Variants in DPP10 observed in about 807,000 individuals in gnomAD.
The protein encoded by DPP10 is dipeptidyl peptidase like 10.
Under a neutral mutation model 120.9 loss-of-function variants are expected in DPP10, and 33 were observed. The observed-to-expected ratio is 0.27, with a 90% CI of 0.21 to 0.37. The LOEUF is 0.37. Among genes scored for constraint, DPP10 ranks in the 10% least tolerant of loss-of-function variants. The pLI is 1.00. For missense variants in DPP10, 816 were observed against 942.8 expected, an observed-to-expected ratio of 0.87 and a Z score of 1.76; for synonymous variants, 337 against 326.1, an observed-to-expected ratio of 1.03 and a Z score of -0.36.
At chr2:115,496,700 G>A (rs2076411823) in intron 3 of DPP10, among the ~76,000 whole-genome samples, 1 of 152,034 alleles carries the variant, frequency 6.6e-6, no homozygotes, top group African/African-American at 2.4e-5. Context: ...TTAAAATTCT[G>A]CATTGTGCTT....
intron 1 of DPP10, among the ~76,000 whole-genome samples, chr2:115,005,348 T>A (rs557333908): frequency 2.6e-5 from 4 of 152,042 alleles, no homozygotes; most frequent in Admixed American, 2.6e-4. Flanking sequence ...TCACCAGCAA[T>A]GGAACAAAGC....
intron 3 of DPP10, among the ~76,000 whole-genome samples, chr2:115,393,616 C>T (rs543858033): frequency 2.0e-5 from 3 of 152,306 alleles, no homozygotes; most frequent in Non-Finnish European, 4.4e-5. Context: ...TTTTCTGGCT[C>T]TGGGAACCAT....
chr2:114,767,207 C>CAAAAA (rs5833559), intron 1 of DPP10, among the ~76,000 whole-genome samples: 24 of 33,060 alleles, frequency 7.3e-4, no homozygotes, highest in African/African-American at 1.3e-3. Context: ...AGGATAAAAG[C>CAAAAA]AAAAAAAAAA....
chr2:115,662,776 A>T (rs1214075497), intron 5 of DPP10, among the ~76,000 whole-genome samples: 1 of 152,158 alleles, frequency 6.6e-6, no homozygotes, highest in Non-Finnish European at 1.5e-5. Context: ...GTAGTCAAGA[A>T]TTCTGGTATG....
At chr2:114,908,710 A>T (rs1197229295) in intron 1 of DPP10, among the ~76,000 whole-genome samples, 1 of 151,806 alleles carries the variant, frequency 6.6e-6, no homozygotes, top group African/African-American at 2.4e-5. Context: ...ATGAATATTA[A>T]ATTTTACCAG....
chr2:115,590,631 T>C (rs573112546), intron 5 of DPP10, among the ~76,000 whole-genome samples: 3 of 147,796 alleles, frequency 2.0e-5, no homozygotes, highest in African/African-American at 8.1e-5. Flanking sequence ...TAAACATACG[T>C]GTGAATGTGT....
At chr2:115,520,858 T>A (rs1340288499) in intron 4 of DPP10, among the ~76,000 whole-genome samples, 1 of 152,228 alleles carries the variant, frequency 6.6e-6, no homozygotes, top group Non-Finnish European at 1.5e-5. Context: ...CTAGTTATAA[T>A]GTTTCTGACA....
At chr2:115,681,756 TTC>T (rs899705187) in intron 5 of DPP10, among the ~76,000 whole-genome samples, 19 of 147,838 alleles carry the variant, frequency 1.3e-4, no homozygotes, top group African/African-American at 4.5e-4. Context: ...CTCTCTCTCT[TTC>T]TCTTTCTCCT....
intron 1 of DPP10, among the ~76,000 whole-genome samples, chr2:115,023,037 CA>C (rs771795663): frequency 6.6e-6 from 1 of 152,040 alleles, no homozygotes; most frequent in Non-Finnish European, 1.5e-5. Context: ...GATCTGAAAC[CA>C]GAAAGATTCT....
intron 1 of DPP10, among the ~76,000 whole-genome samples, chr2:114,992,796 G>T (rs977719609): frequency 6.6e-6 from 1 of 152,146 alleles, no homozygotes; most frequent in African/African-American, 2.4e-5. Context: ...TTTTAAAATC[G>T]ATGACATCAG....
intron 1 of DPP10, among the ~76,000 whole-genome samples, chr2:114,829,374 CTT>C (rs375259302): frequency 0.013 from 1,850 of 144,892 alleles, 43 homozygotes; most frequent in African/African-American, 0.043. Context: ...ACGTTTTTGT[CTT>C]TTTTTTTTTT....
In DPP10 at chr2:114,981,879, G is replaced by C. The variant is rs560076832; in HGVS notation, c.61-327360G>C. Among the ~76,000 whole-genome samples the C allele has an allele frequency of 5.3e-5, 8 of 151,484 alleles. No individual in the cohort carries two copies. The East Asian group carries it at 1.6e-3, about 30-fold the overall frequency. ...CCTGGGTCACTGGGATTACAGTGGT[G>C]AGCCATTGTGTTCCACCTTTCTTTT... On this transcript the variant is annotated intron_variant, in intron 1 of 25. Coordinates refer to ENST00000410059, the MANE Select transcript of DPP10 (RefSeq NM_020868.6).
intron 5 of DPP10, among the ~76,000 whole-genome samples, chr2:115,661,301 C>T (rs758856571): frequency 6.6e-6 from 1 of 152,102 alleles, no homozygotes; most frequent in Non-Finnish European, 1.5e-5. Flanking sequence ...TTCCCATCAT[C>T]TTTGACTAGC....
chr2:115,377,119 G>A (rs1012188193), intron 3 of DPP10, among the ~76,000 whole-genome samples: 1 of 152,108 alleles, frequency 6.6e-6, no homozygotes, highest in African/African-American at 2.4e-5. Context: ...TCCTGGAGGA[G>A]TCGCCACACT....
intron 21 of DPP10, among the ~76,000 whole-genome samples, chr2:115,830,874 T>G (rs1303047716): frequency 6.6e-6 from 1 of 152,146 alleles, no homozygotes; most frequent in African/African-American, 2.4e-5. Context: ...AAAACTTTAC[T>G]TAGGGAGGTA....
intron 1 of DPP10, among the ~76,000 whole-genome samples, chr2:115,285,849 A>G: frequency 6.6e-6 from 1 of 152,058 alleles, no homozygotes. Flanking sequence ...TGATTAACAT[A>G]TTAGTGGGAA....
At chr2:114,500,746 T>A (rs1683086438) in intron 1 of DPP10, among the ~76,000 whole-genome samples, 1 of 152,214 alleles carries the variant, frequency 6.6e-6, no homozygotes, top group Non-Finnish European at 1.5e-5. Flanking sequence ...TTTGATGTAC[T>A]AGGAAACAAA....
intron 4 of DPP10, among the ~76,000 whole-genome samples, chr2:115,509,874 T>C (rs1321088717): frequency 1.3e-5 from 2 of 152,178 alleles, no homozygotes; most frequent in African/African-American, 4.8e-5. Context: ...AAACAGGTTC[T>C]TACCTATTTG....
At chr2:115,414,201 G>A (rs1456220552) in intron 3 of DPP10, among the ~76,000 whole-genome samples, 1 of 152,056 alleles carries the variant, frequency 6.6e-6, no homozygotes, top group Non-Finnish European at 1.5e-5. Flanking sequence ...ACTTAAACAG[G>A]CTTTAGAAAT....
Sources: gnomAD v4.1 joint callset for allele counts (sites outside exome capture counted in the v4.1 genomes callset) on GRCh38, gnomAD v4.1.1 for gene constraint, MANE v1.5 for transcripts, NCBI Gene and HGNC (gene_info 2026-07-23, HGNC 2026-07-21) for gene names.